FAM83H: variants seen among roughly 807,000 people sequenced by gnomAD.
FAM83H encodes protein FAM83H.
A neutral mutation model predicts 30.2 loss-of-function variants in FAM83H; 24 were observed. That is an observed-to-expected ratio of 0.79 (90% CI 0.57 to 1.12). The LOEUF is 1.12. Among genes scored for constraint, FAM83H ranks in the 50% most tolerant of loss-of-function variants. The probability of loss-of-function intolerance (pLI) is 0.00; values close to 1 mark genes in which losing one functional copy is unlikely to be tolerated. For missense variants in FAM83H, 2,038 were observed against 1,773.9 expected (o/e 1.15, Z -2.67); for synonymous variants, 1,013 against 821.7 (o/e 1.23, Z -3.98).
Position 143,728,536 on chromosome 8 carries a change from C to T in FAM83H, c.925G>A (p.Val309Met), listed in dbSNP as rs1554623492. 1 of 1,568,106 alleles carries T rather than the reference C, an allele frequency of 6.4e-7. No individual in the cohort carries two copies. Among genetic ancestry groups the T allele is most frequent in the Admixed American group, 1.9e-5 (1 of 52,740 alleles). Residue 309 changes from valine (V) to methionine (M), a missense_variant, in exon 5 of 5, where the codon GTG becomes ATG. Physicochemically the swap from Val to Met is conservative, Grantham distance 21. Transcript: ENST00000388913. The part of the protein sequence containing the change: ...LAPYAGAGPL[V>M]GVPGVGAPTP... ...GGCGCCCCGACCCCAGGGACGCCCA[C>T]GAGAGGCCCGGCCCCGGCATACGGA...
rs550491841 is a variant in FAM83H at position 143,728,171 on chromosome 8, C to A, written c.1290G>T (p.Ser430=). ...VENFAAARQV[S]RQTFLSHGDD... is the part of the protein sequence containing the mutation. Reference sequence around the variant, plus strand: ...CGCCGTGGCTGAGGAACGTCTGCCGCGACACCTGCCGCGCGGCCGCGAAGT... The same window carrying A: ...CGCCGTGGCTGAGGAACGTCTGCCGAGACACCTGCCGCGCGGCCGCGAAGT... The change falls in exon 5 of 5, where the codon TCG becomes TCT. Residue 430 remains serine (S), a synonymous_variant. Coordinates refer to ENST00000388913, the MANE Select transcript of FAM83H (RefSeq NM_198488.5). 4 of 1,606,662 alleles carry A rather than the reference C, an allele frequency of 2.5e-6. No individual in the cohort carries two copies. Among genetic ancestry groups the A allele is most frequent in the South Asian group, 1.1e-5 (1 of 90,852 alleles).
rs1045794761 is a variant in FAM83H, at chr8:143,725,809, G to T, written c.*112C>A. The T allele has an allele frequency of 3.3e-6, 5 of 1,533,596 alleles. No individual in the cohort carries two copies. Among genetic ancestry groups the T allele is most frequent in the Non-Finnish European group, 4.4e-6 (5 of 1,135,952 alleles). The allele number at this position is 1,533,596 out of a possible 1,614,324, so 95.0% of individuals were successfully genotyped here. ...ACTCAGCCAAGCCCCAAGCGGCCGT[G>T]GCCTGACAGCCGCTGCTCAAGCAGA... is the stretch of plus-strand genomic sequence containing the variant. On this transcript the variant is annotated 3_prime_UTR_variant, in exon 5 of 5. Coordinates refer to ENST00000388913, the MANE Select transcript of FAM83H (RefSeq NM_198488.5).
In FAM83H at chr8:143,730,557, G is replaced by A. The variant is rs782176515; in HGVS notation, c.26C>T (p.Ser9Leu). MARRSQSS[S>L]QGDNPLAPGY... ...GGGTGCCAGTGGGTTGTCCCCCTGCGAGGAGCTCTGAGAGCGACGGGCCAT... is the reference window on the plus strand; with the variant it reads ...GGGTGCCAGTGGGTTGTCCCCCTGCAAGGAGCTCTGAGAGCGACGGGCCAT... The change falls in exon 2 of 5, where the codon TCG becomes TTG. Residue 9 changes from serine to leucine, a missense_variant. Coordinates refer to ENST00000388913, the MANE Select transcript of FAM83H (RefSeq NM_198488.5). 21 of 1,560,322 alleles carry A rather than the reference G, an allele frequency of 1.3e-5. No individual in the cohort carries two copies. In the South Asian group the frequency reaches 1.4e-4, roughly 11 times the overall value.
rs781981984 is a variant in FAM83H, at chr8:143,729,079, G to T, written c.625C>A (p.Arg209=). 2.5e-6 allele frequency: 4 copies of T among 1,613,670 alleles called. No individual in the cohort carries two copies. Among genetic ancestry groups the T allele is most frequent in the Non-Finnish European group, 1.7e-6 (2 of 1,180,006 alleles). Residue 209 remains arginine, a synonymous_variant, in exon 4 of 5, where the codon CGG becomes AGG. Transcript: ENST00000388913. ...TAGTAGGTGGGGCCCGCCACAGTCC[G>T]TACGCGCAGGAACTGGGGAGGGAGG... ...NLQHVDFLRV[R]TVAGPTYYCR... is the part of the protein sequence containing the mutation.
rs1554622664 is a variant in FAM83H at position 143,727,564 on chromosome 8, G to C, written c.1897C>G (p.Pro633Ala). ...GDLLPSAFRVPAAFPTKVPVP... is the reference protein window; with the variant it reads ...GDLLPSAFRVAAAFPTKVPVP... ...GGGACCTTGGTGGGGAAGGCTGCTG[G>C]GACGCGGAAGGCCGAGGGGAGCAGG... The change falls in exon 5 of 5, where the codon CCA (proline) becomes GCA (alanine). Residue 633 changes from proline to alanine, a missense_variant. By Grantham distance (27) the Pro-to-Ala change is conservative (BLOSUM62 -1). Transcript: ENST00000388913. 5.0e-6 allele frequency: 8 copies of C among 1,587,442 alleles called. No homozygotes were observed. In the African/African-American group the frequency reaches 9.4e-5, roughly 19 times the overall value.
intron 1 of FAM83H, chr8:143,732,520 C>T: frequency 1.0e-6 from 1 of 985,346 alleles, no homozygotes; most frequent in Non-Finnish European, 1.2e-6. Context: ...CTAGAAAGGA[C>T]CCCCACTGTC....
At chr8:143,730,014 A>AC (rs1182555187) in intron 2 of FAM83H, 122 bp downstream of exon 2, 182 of 879,824 alleles carry the variant, frequency 2.1e-4, no homozygotes, top group East Asian at 1.4e-4. Context: ...TTTGCCAGGG[A>AC]CCCCCACTCC....
Position 143,727,853 on chromosome 8 carries a change from G to C in FAM83H, c.1608C>G (p.Pro536=), listed in dbSNP as rs1464565104. ...AFAPGPRGLE[P]SGAPRPNLTQ... is the part of the protein sequence containing the mutation. Reference sequence around the variant, plus strand: ...TCAGGTTGGGGCGCGGGGCTCCGCTGGGCTCCAGGCCGCGGGGTCCGGGCG... The same window carrying C: ...TCAGGTTGGGGCGCGGGGCTCCGCTCGGCTCCAGGCCGCGGGGTCCGGGCG... Residue 536 remains proline, a synonymous_variant, in exon 5 of 5, where the codon CCC becomes CCG. Coordinates refer to ENST00000388913, the MANE Select transcript of FAM83H (RefSeq NM_198488.5). The C allele has an allele frequency of 2.0e-5, 26 of 1,330,378 alleles. 1 individual carries two copies. In the East Asian group the frequency reaches 7.4e-4, roughly 38 times the overall value. The allele number at this position is 1,330,378 out of a possible 1,614,324, so 82.4% of individuals were successfully genotyped here.
chr8:143,725,595 C>T lies in FAM83H; in HGVS notation c.*326G>A, dbSNP rs1045851593. On this transcript the variant is annotated 3_prime_UTR_variant, in exon 5 of 5. Coordinates refer to ENST00000388913, the MANE Select transcript of FAM83H (RefSeq NM_198488.5). ...CTAGGTCTCAAAAAAATAAAGGGGG[C>T]GGGGGGGACTGAGGCACAAAGAGAT... 9 of 476,226 alleles carry T rather than the reference C, an allele frequency of 1.9e-5. No homozygotes were observed. The highest frequency in any genetic ancestry group is 1.2e-4 in the African/African-American group (6 of 50,628). 29.5% of individuals were successfully genotyped at this position (476,226 alleles called of 1,614,324 possible). A position where few individuals can be genotyped will look rare whatever the true frequency, so the allele number is the denominator to read the frequency against.
intron 1 of FAM83H, chr8:143,731,186 T>C (rs1554624401): frequency 5.2e-6 from 1 of 190,924 alleles, no homozygotes; most frequent in African/African-American, 2.5e-5. Flanking sequence ...TTCATCATTA[T>C]AATATTCACT....
rs1351898114 is a variant in FAM83H at position 143,727,952 on chromosome 8, G to A, written c.1509C>T (p.Asp503=). 80 of 1,554,406 alleles carry A rather than the reference G, an allele frequency of 5.1e-5. No individual in the cohort carries two copies. The highest frequency in any genetic ancestry group is 6.7e-5 in the Non-Finnish European group (77 of 1,157,894). Reference sequence around the variant, plus strand: ...GCACGTAGTCCAGCCGCTGGTGCCCGTCGGGTCCGAGCTCCGGGAAGCGGG... The same window carrying A: ...GCACGTAGTCCAGCCGCTGGTGCCCATCGGGTCCGAGCTCCGGGAAGCGGG... ...AGPRFPELGP[D]GHQRLDYVPS... Residue 503 remains aspartate, a synonymous_variant, in exon 5 of 5, where the codon GAC becomes GAT. Transcript: ENST00000388913.
chr8:143,732,858 A>G (rs375682645), intron 1 of FAM83H, among the ~76,000 whole-genome samples: 242 of 150,410 alleles, frequency 1.6e-3, no homozygotes, highest in African/African-American at 3.7e-3. Context: ...GCACGAATCC[A>G]CTCTTCTGCT....
intron 2 of FAM83H, 99 bp from the exon 3 acceptor site, chr8:143,729,422 G>A (rs1490867274): frequency 1.0e-5 from 14 of 1,369,990 alleles, no homozygotes; most frequent in East Asian, 2.4e-5. Context: ...GATCACCCAC[G>A]ACCACTGTGA....
intron 1 of FAM83H, chr8:143,732,066 C>G (rs1818540464): frequency 1.0e-6 from 1 of 985,404 alleles, no homozygotes; most frequent in Non-Finnish European, 1.2e-6. Flanking sequence ...GAGCGTGCCC[C>G]TGGGCGCTGA....
intron 2 of FAM83H, 45 bp from the exon 3 acceptor site, chr8:143,729,368 C>A: frequency 6.2e-7 from 1 of 1,607,430 alleles, no homozygotes; most frequent in Non-Finnish European, 8.5e-7. Context: ...CCTGCTGTCC[C>A]CACACCATTG....
In FAM83H at chr8:143,726,785, A is replaced by C; in HGVS notation, c.2676T>G (p.Ser892Arg). ...TCTGCTCGATAAATCCTGTAGTTGG[A>C]CTTCCTCTTCGAGTGGAAAACCCAG... ...PTPGFSTRRGSPTTGFIEQKG... is the reference protein window; with the variant it reads ...PTPGFSTRRGRPTTGFIEQKG... The change falls in exon 5 of 5, where the codon AGT (serine) becomes AGG (arginine). Residue 892 changes from serine to arginine, a missense_variant. Transcript: ENST00000388913. 6.2e-7 allele frequency: 1 copy of C among 1,611,934 alleles called. No homozygotes were observed. The highest frequency in any genetic ancestry group is 8.5e-7 in the Non-Finnish European group (1 of 1,179,444).
At position 143,726,943 on chromosome 8, in the gene FAM83H, TC is replaced by T; in HGVS notation, c.2517del (p.Ser840AlafsTer134). Reference protein sequence around the residue: ...DRLPSRFLSAQSHSTSPQGLD... With the variant: ...DRLPSRFLSAXSHSTSPQGLD... The stretch of plus-strand genomic sequence containing the variant: ...AGCCCTTGCGGGGACGTTGAGTGGC[TC>T]TGGGCAGAGAGGAAGCGGGAAGGCA... On this transcript the variant is annotated frameshift_variant, in exon 5 of 5. Coordinates refer to ENST00000388913, the MANE Select transcript of FAM83H (RefSeq NM_198488.5). LOFTEE classifies it low-confidence loss of function (END_TRUNC). 1 of 1,611,290 alleles carries T rather than the reference TC, an allele frequency of 6.2e-7. No individual in the cohort carries two copies. Among genetic ancestry groups the T allele is most frequent in the African/African-American group, 1.3e-5 (1 of 75,016 alleles).
Position 143,728,684 on chromosome 8 carries a change from C to T in FAM83H, c.777G>A (p.Ala259=), listed in dbSNP as rs1554623555. 11 of 1,601,620 alleles carry T rather than the reference C, an allele frequency of 6.9e-6. No individual in the cohort carries two copies. The highest frequency in any genetic ancestry group is 1.7e-5 in the Admixed American group (1 of 60,000). ...AGACCAGCTCTCCTTGGAACACGTG[C>T]GCCAGGCTGCGGTGGATCTTCTCAA... ...WSFEKIHRSL[A]HVFQGELVSS... is the part of the protein sequence containing the mutation. Residue 259 remains alanine, a synonymous_variant, in exon 5 of 5, where the codon GCG becomes GCA. Transcript: ENST00000388913.
chr8:143,727,032 C>T lies in FAM83H; in HGVS notation c.2429G>A (p.Gly810Glu), dbSNP rs1563758111. Residue 810 changes from glycine to glutamate, a missense_variant, in exon 5 of 5, where the codon GGA (glycine) becomes GAA (glutamate). Gly to Glu is a moderately conservative substitution (Grantham distance 98, BLOSUM62 -2). Transcript: ENST00000388913. ...QLHQEAERQP[G>E]AASLTAAQLL... is the part of the protein sequence containing the mutation. ...CTGCGCCGCGGTGAGCGACGCGGCT[C>T]CCGGCTGCCGCTCCGCCTCCTGGTG... is the stretch of plus-strand genomic sequence containing the variant. 8 of 1,558,060 alleles carry T rather than the reference C, an allele frequency of 5.1e-6. No individual in the cohort carries two copies. The East Asian group carries it at 9.5e-5, about 19-fold the overall frequency.
Sources: allele counts gnomAD v4.1 joint callset (sites outside exome capture counted in the v4.1 genomes callset), GRCh38; gene constraint gnomAD v4.1.1; transcripts MANE v1.5; gene names NCBI Gene and HGNC (gene_info 2026-07-23, HGNC 2026-07-21).